KSR2: variants seen among roughly 807,000 people sequenced by gnomAD.
The protein encoded by KSR2 is kinase suppressor of ras 2.
Under a neutral mutation model 107.8 loss-of-function variants are expected in KSR2, and 25 were observed. That is an observed-to-expected ratio of 0.23 (90% CI 0.17 to 0.32). The LOEUF (loss-of-function observed/expected upper bound fraction) is 0.32. KSR2 is among the 10% of genes least tolerant of loss of function. The pLI is 1.00. For synonymous variants in KSR2, 480 were observed against 507.0 expected (o/e 0.95, Z 0.71); for missense variants, 887 against 1,268.9 (o/e 0.70, Z 4.57).
intron 3 of KSR2, among the ~76,000 whole-genome samples, chr12:117,815,990 A>T (rs867841167): frequency 8.8e-6 from 1 of 113,586 alleles, no homozygotes; most frequent in Non-Finnish European, 1.8e-5. Context: ...AAAAAAATAA[A>T]GTGTGTGTGT....
At chr12:117,804,568 T>C (rs767513492) in intron 3 of KSR2, among the ~76,000 whole-genome samples, 1 of 152,196 alleles carries the variant, frequency 6.6e-6, no homozygotes, top group African/African-American at 2.4e-5. Flanking sequence ...CTGTTGCTGG[T>C]TGTTGTTTTA....
chr12:117,473,109 C>T (rs1871575589), intron 17 of KSR2, among the ~76,000 whole-genome samples: 1 of 152,160 alleles, frequency 6.6e-6, no homozygotes, highest in Admixed American at 6.5e-5. Context: ...AGTCTTCTTA[C>T]CCTGCCTCCC....
At chr12:117,749,997 T>C (rs1374848227) in intron 4 of KSR2, among the ~76,000 whole-genome samples, 1 of 152,092 alleles carries the variant, frequency 6.6e-6, no homozygotes, top group Non-Finnish European at 1.5e-5. Context: ...CCTGTAATCC[T>C]AGCACTCTGG....
At chr12:117,648,304 A>G (rs1375973097) in intron 5 of KSR2, among the ~76,000 whole-genome samples, 1 of 145,654 alleles carries the variant, frequency 6.9e-6, no homozygotes, top group Non-Finnish European at 1.5e-5. Context: ...CTTCTTTAGA[A>G]GTGGAGGAGG....
At chr12:117,510,720 A>C (rs182176359) in intron 14 of KSR2, among the ~76,000 whole-genome samples, 26 of 152,102 alleles carry the variant, frequency 1.7e-4, no homozygotes, top group Non-Finnish European at 2.9e-4. Context: ...TCTACCAAAA[A>C]TACAAAAATT....
intron 4 of KSR2, among the ~76,000 whole-genome samples, chr12:117,677,402 C>T (rs1416853847): frequency 2.0e-5 from 3 of 152,040 alleles, no homozygotes; most frequent in Non-Finnish European, 2.9e-5. Context: ...GTATAGAAGC[C>T]GCCATGTAAG....
At chr12:117,783,503 C>T (rs112153211) in intron 3 of KSR2, among the ~76,000 whole-genome samples, 1,800 of 152,308 alleles carry the variant, frequency 0.012, 41 homozygotes, top group African/African-American at 0.041. Context: ...AAAAAATACC[C>T]ATCCCAGTTT....
intron 16 of KSR2, among the ~76,000 whole-genome samples, chr12:117,480,068 C>T (rs1003961875): frequency 7.1e-6 from 1 of 140,516 alleles, no homozygotes; most frequent in Non-Finnish European, 1.5e-5. Context: ...GTGTTTATCT[C>T]GAGGACTCAG....
Position 117,609,083 on chromosome 12 carries a change from A to G in KSR2, c.1172-26724T>C, listed in dbSNP as rs138999997. 1.9e-3 allele frequency among the ~76,000 whole-genome samples: 296 copies of G among 152,192 alleles called. 3 individuals are homozygous for G. Among genetic ancestry groups the G allele is most frequent in the African/African-American group, 7.0e-3 (290 of 41,496 alleles). ...CTTGGCCCCAACCTGAGACAGACAC[A>G]TCCAGGCTTGGGGAAGGGTCATACA... is the stretch of plus-strand genomic sequence containing the variant. On this transcript the variant is annotated intron_variant, in intron 5 of 19. Transcript: ENST00000339824.
In KSR2 at chr12:117,917,492, G is replaced by A. The variant is rs576104117; in HGVS notation, c.180+50584C>T. ...TGGAGTTTGAGGCTACAGTGATCAT[G>A]TCACTGCACTCCAGCCTGGATGATG... On this transcript the variant is annotated intron_variant, in intron 1 of 19. Coordinates refer to ENST00000339824, the MANE Select transcript of KSR2 (RefSeq NM_173598.6). Among the ~76,000 whole-genome samples the A allele has an allele frequency of 1.3e-4, 20 of 152,118 alleles. 1 individual carries two copies. Among genetic ancestry groups the A allele is most frequent in the Non-Finnish European group, 2.9e-4 (20 of 68,020 alleles).
At chr12:117,794,266 C>T (rs1890489361) in intron 3 of KSR2, among the ~76,000 whole-genome samples, 1 of 109,258 alleles carries the variant, frequency 9.2e-6, no homozygotes, top group African/African-American at 4.0e-5. Flanking sequence ...CATACACCAA[C>T]ATGCACACAC....
rs181077112 is a variant in KSR2 at position 117,547,765 on chromosome 12, C to T, written c.1518+7404G>A. On this transcript the variant is annotated intron_variant, in intron 9 of 19. Transcript: ENST00000339824. ...CTCATTGACACATCCAGGTTGCCAG[C>T]TTCTTCAGTTCTAAGTCTGGGATAC... 2.0e-5 allele frequency among the ~76,000 whole-genome samples: 3 copies of T among 152,244 alleles called. No individual in the cohort carries two copies. The East Asian group carries it at 5.8e-4, about 29-fold the overall frequency.
intron 4 of KSR2, among the ~76,000 whole-genome samples, chr12:117,752,855 C>A (rs944450174): frequency 5.3e-5 from 8 of 152,156 alleles, no homozygotes; most frequent in African/African-American, 1.9e-4. Context: ...TGTGGGCAGA[C>A]CTAAATGAGA....
intron 7 of KSR2, among the ~76,000 whole-genome samples, chr12:117,560,623 G>A (rs1878045966): frequency 1.3e-5 from 2 of 152,120 alleles, no homozygotes; most frequent in South Asian, 2.1e-4. Flanking sequence ...TTTTTTCCAG[G>A]TTGCCTTATG....
chr12:117,532,389 T>C (rs1485612406), intron 10 of KSR2, among the ~76,000 whole-genome samples: 1 of 152,188 alleles, frequency 6.6e-6, no homozygotes, highest in Non-Finnish European at 1.5e-5. Flanking sequence ...CTCCTTCTTC[T>C]GCCTTTGACC....
At chr12:117,928,800 T>C (rs1895612784) in intron 1 of KSR2, among the ~76,000 whole-genome samples, 1 of 152,208 alleles carries the variant, frequency 6.6e-6, no homozygotes, top group South Asian at 2.1e-4. Flanking sequence ...ACTTGAATTA[T>C]TTTTTTCACA....
chr12:117,965,390 C>T (rs1341192253), intron 1 of KSR2, among the ~76,000 whole-genome samples: 1 of 152,248 alleles, frequency 6.6e-6, no homozygotes, highest in Non-Finnish European at 1.5e-5. Flanking sequence ...CCATTTCATG[C>T]AGCTGAACAC....
intron 1 of KSR2, among the ~76,000 whole-genome samples, chr12:117,936,551 G>T (rs967172231): frequency 6.9e-6 from 1 of 145,876 alleles, no homozygotes; most frequent in Admixed American, 6.7e-5. Flanking sequence ...AGTAGTAGTA[G>T]TAGTAGTAGT....
intron 4 of KSR2, among the ~76,000 whole-genome samples, chr12:117,733,251 G>A (rs1887801106): frequency 6.6e-6 from 1 of 152,022 alleles, no homozygotes; most frequent in African/African-American, 2.4e-5. Flanking sequence ...GTCACCCCAT[G>A]CCGTACCACA....
Sources: allele counts gnomAD v4.1 joint callset (sites outside exome capture counted in the v4.1 genomes callset), GRCh38; gene constraint gnomAD v4.1.1; transcripts MANE v1.5; gene names NCBI Gene and HGNC (gene_info 2026-07-23, HGNC 2026-07-21).